Variants in ZNF791 observed in about 807,000 individuals in gnomAD.
ZNF791 encodes the protein zinc finger protein 791.
Under a neutral mutation model 11.5 loss-of-function variants are expected in ZNF791, and 4 were observed. The observed-to-expected ratio is 0.35, with a 90% CI of 0.17 to 0.80. The LOEUF is 0.80. Ranked by LOEUF, ZNF791 falls within the 30% of genes least tolerant of loss-of-function variation. ZNF791 has a pLI of 0.53. For missense variants in ZNF791, 559 were observed against 699.4 expected (o/e 0.80, Z 2.26); for synonymous variants, 212 against 228.1 (o/e 0.93, Z 0.64).
At position 12,627,707 on chromosome 19, in the gene ZNF791, C is replaced by G; in HGVS notation, c.192-14C>G. The G allele has an allele frequency of 6.3e-7, 1 of 1,593,534 alleles. No homozygotes were observed. On this transcript the variant is annotated splice_polypyrimidine_tract_variant and intron_variant, in intron 3 of 3. Coordinates refer to ENST00000343325, the MANE Select transcript of ZNF791 (RefSeq NM_153358.3). ...ATACACAACCAGTATTACCGTGCTT[C>G]TAATTTTTTACAGAAGCCATACGGG...
chr19:12,618,705 G>A (rs1228718170), intron 1 of ZNF791, among the ~76,000 whole-genome samples: 1 of 151,642 alleles, frequency 6.6e-6, no homozygotes, highest in African/African-American at 2.4e-5. Flanking sequence ...GGAGGCTGCA[G>A]TGAGCCGAGA....
chr19:12,628,301 A>G lies in ZNF791; in HGVS notation c.772A>G (p.Ser258Gly). The change falls in exon 4 of 4, where the codon AGT becomes GGT. Residue 258 changes from serine (S) to glycine (G), a missense_variant. By Grantham distance (56) the Ser-to-Gly change is moderately conservative. Coordinates refer to ENST00000343325, the MANE Select transcript of ZNF791 (RefSeq NM_153358.3). The stretch of plus-strand genomic sequence containing the variant: ...TGGGAAAGCCTTCATTTCCCACACA[A>G]GTGTTCTAACACACATGATAACACA... Reference protein sequence around the residue: ...ECGKAFISHTSVLTHMITHNG... With the variant: ...ECGKAFISHTGVLTHMITHNG... 1 of 1,612,692 alleles carries G rather than the reference A, an allele frequency of 6.2e-7. No homozygotes were observed. Among genetic ancestry groups the G allele is most frequent in the South Asian group, 1.1e-5 (1 of 90,950 alleles).
intron 1 of ZNF791, among the ~76,000 whole-genome samples, chr19:12,613,956 A>T (rs57345539): frequency 0.062 from 9,425 of 152,196 alleles, 704 homozygotes; most frequent in African/African-American, 0.18. Flanking sequence ...ATATAGGTGT[A>T]CTGGGTGTAA....
At position 12,628,784 on chromosome 19, in the gene ZNF791, A is replaced by G. The variant is rs766381373; in HGVS notation, c.1255A>G (p.Lys419Glu). ...EKPYECKECA[K>E]TFISLENFRR... Reference sequence around the variant, plus strand: ...ACCCTATGAGTGTAAGGAATGTGCAAAAACCTTCATTTCTCTTGAGAACTT... The same window carrying G: ...ACCCTATGAGTGTAAGGAATGTGCAGAAACCTTCATTTCTCTTGAGAACTT... Residue 419 changes from lysine to glutamate, a missense_variant, in exon 4 of 4, where the codon AAA becomes GAA. Physicochemically the swap from Lys to Glu is moderately conservative, Grantham distance 56. Coordinates refer to ENST00000343325, the MANE Select transcript of ZNF791 (RefSeq NM_153358.3). 9 of 1,613,976 alleles carry G rather than the reference A, an allele frequency of 5.6e-6. No homozygotes were observed. In the East Asian group the frequency reaches 1.6e-4, roughly 28 times the overall value.
rs2023458722 is a variant in ZNF791 at position 12,628,406 on chromosome 19, A to G, written c.877A>G (p.Ile293Val). The change falls in exon 4 of 4, where the codon ATT (isoleucine) becomes GTT (valine). Residue 293 changes from isoleucine (I) to valine (V), a missense_variant. Physicochemically the swap from Ile to Val is conservative, Grantham distance 29. Coordinates refer to ENST00000343325, the MANE Select transcript of ZNF791 (RefSeq NM_153358.3). ...FPSFLRVHERIHTGEKPYKCK... is the reference protein window; with the variant it reads ...FPSFLRVHERVHTGEKPYKCK... ...CAGTTTTTTACGAGTACATGAAAGAATTCACACTGGAGAGAAACCCTATAA... is the reference window on the plus strand; with the variant it reads ...CAGTTTTTTACGAGTACATGAAAGAGTTCACACTGGAGAGAAACCCTATAA... The G allele has an allele frequency of 1.2e-6, 2 of 1,608,200 alleles. No homozygotes were observed. The highest frequency in any genetic ancestry group is 2.2e-5 in the East Asian group (1 of 44,808).
intron 1 of ZNF791, among the ~76,000 whole-genome samples, chr19:12,613,356 C>T (rs1048637585): frequency 2.6e-5 from 4 of 151,972 alleles, no homozygotes; most frequent in Non-Finnish European, 4.4e-5. Flanking sequence ...CCAAGGAGGG[C>T]GGATCACGAG....
rs2023512072 is a variant in ZNF791, at chr19:12,632,395, G to A, written c.*3135G>A. 1 of 152,046 alleles carries A rather than the reference G, an allele frequency of 6.6e-6. No homozygotes were observed. Among genetic ancestry groups the A allele is most frequent in the South Asian group, 2.1e-4 (1 of 4,830 alleles). 9.4% of individuals were successfully genotyped at this position (152,046 alleles called of 1,614,324 possible). A position where few individuals can be genotyped will look rare whatever the true frequency, so the allele number is the denominator to read the frequency against. ...AGAGATTGTTGAATACTGACACACT[G>A]TAACTAGGATTTTTCCTACTGGCCT... is the stretch of plus-strand genomic sequence containing the variant. On this transcript the variant is annotated 3_prime_UTR_variant, in exon 4 of 4. Coordinates refer to ENST00000343325, the MANE Select transcript of ZNF791 (RefSeq NM_153358.3).
intron 1 of ZNF791, among the ~76,000 whole-genome samples, chr19:12,613,032 A>G (rs908167594): frequency 1.5e-4 from 23 of 151,732 alleles, no homozygotes; most frequent in Admixed American, 2.6e-4. Context: ...AGGTAGGTAC[A>G]CTGAGTGTAA....
intron 1 of ZNF791, among the ~76,000 whole-genome samples, chr19:12,617,399 C>G (rs556299671): frequency 3.3e-5 from 5 of 152,254 alleles, no homozygotes; most frequent in Non-Finnish European, 2.9e-5. Context: ...GCTGGGATTA[C>G]AGGCATGAGT....
chr19:12,626,046 C>G (rs1029200466), intron 3 of ZNF791, among the ~76,000 whole-genome samples: 2 of 152,052 alleles, frequency 1.3e-5, no homozygotes, highest in African/African-American at 4.8e-5. Flanking sequence ...GAGACGGAGT[C>G]TCGCTCTGTC....
chr19:12,625,328 C>T (rs1224677047), intron 3 of ZNF791, among the ~76,000 whole-genome samples: 3 of 150,544 alleles, frequency 2.0e-5, no homozygotes, highest in African/African-American at 7.3e-5. Flanking sequence ...TCCATGTTGG[C>T]AAGGCTGGTC....
At chr19:12,623,563 G>C in intron 1 of ZNF791, 137 bp from the exon 2 acceptor site, 2 of 1,079,654 alleles carry the variant, frequency 1.9e-6, no homozygotes, top group Non-Finnish European at 2.7e-6. Flanking sequence ...TGTTCAATGT[G>C]CTGTTACATT....
At chr19:12,627,693 G>C (rs750022929) in intron 3 of ZNF791, 28 bp from the exon 4 acceptor site, 18 of 1,561,548 alleles carry the variant, frequency 1.2e-5, no homozygotes, top group Non-Finnish European at 1.6e-5. Context: ...TACACAACCA[G>C]TATTACCGTG....
chr19:12,611,196 G>A (rs1018616956), intron 1 of ZNF791, 114 bp downstream of exon 1: 15 of 1,372,350 alleles, frequency 1.1e-5, no homozygotes, highest in Non-Finnish European at 1.5e-5. Flanking sequence ...AACTCCAAGC[G>A]TCCTGTCCCG....
At chr19:12,622,848 C>T (rs1007623252) in intron 1 of ZNF791, among the ~76,000 whole-genome samples, 29 of 149,156 alleles carry the variant, frequency 1.9e-4, no homozygotes, top group African/African-American at 6.9e-4. Context: ...GAGCCGAGAT[C>T]GCACCACTGC....
Position 12,630,519 on chromosome 19 carries a change from GT to G in ZNF791, c.*1262del, listed in dbSNP as rs2023490803. On this transcript the variant is annotated 3_prime_UTR_variant, in exon 4 of 4. Transcript: ENST00000343325. ...TTGATAATAAATGGCTAAGTTACTG[GT>G]TTATATATTTACAATCCTGTTTTAG... 6.6e-6 allele frequency: 1 copy of G among 152,114 alleles called. No individual in the cohort carries two copies. The highest frequency in any genetic ancestry group is 6.6e-5 in the Admixed American group (1 of 15,260). 9.4% of individuals were successfully genotyped at this position (152,114 alleles called of 1,614,324 possible).
intron 1 of ZNF791, among the ~76,000 whole-genome samples, chr19:12,618,787 G>T (rs894526901): frequency 1.0e-4 from 15 of 148,310 alleles, no homozygotes; most frequent in Non-Finnish European, 1.5e-4. Flanking sequence ...AAATAATTTT[G>T]TGGTGATTTG....
rs1051381342 is a variant in ZNF791, at chr19:12,620,754, C to CTTTTTTTTTTTTTTTT, written c.4-2937_4-2922dup. On this transcript the variant is annotated intron_variant, in intron 1 of 3. Coordinates refer to ENST00000343325, the MANE Select transcript of ZNF791 (RefSeq NM_153358.3). ...AAACTGGAGAAAGGGGATTTATGTT[C>CTTTTTTTTTTTTTTTT]TTTTTTTTTTTTTTTTTTTTTTTTG... Among the ~76,000 whole-genome samples the CTTTTTTTTTTTTTTTT allele has an allele frequency of 2.6e-4, 22 of 83,448 alleles. 3 individuals are homozygous for CTTTTTTTTTTTTTTTT. Among genetic ancestry groups the CTTTTTTTTTTTTTTTT allele is most frequent in the African/African-American group, 1.2e-3 (22 of 18,664 alleles). The allele number at this position is 83,448 out of a possible 152,430, so 54.7% of individuals were successfully genotyped here. A position where few individuals can be genotyped will look rare whatever the true frequency, so the allele number is the denominator to read the frequency against.
chr19:12,617,335 A>G (rs147986604), intron 1 of ZNF791, among the ~76,000 whole-genome samples: 76,596 of 151,228 alleles, frequency 0.51, 22,072 homozygotes, highest in Non-Finnish European at 0.67. Flanking sequence ...CATGTTGGCC[A>G]GGCTGGTCTC....
Sources: gnomAD v4.1 joint callset for allele counts (sites outside exome capture counted in the v4.1 genomes callset) on GRCh38, gnomAD v4.1.1 for gene constraint, MANE v1.5 for transcripts, NCBI Gene and HGNC (gene_info 2026-07-23, HGNC 2026-07-21) for gene names.